Variants in SEMA5A observed in about 807,000 individuals in gnomAD.
SEMA5A encodes the protein semaphorin 5A, also known as semaphorin-5A.
In SEMA5A, 55 loss-of-function variants were observed where a neutral mutation model predicts 135.5. The ratio of observed to expected loss-of-function variants is 0.41; its 90% confidence interval spans 0.33 to 0.51. The LOEUF is 0.51. Among genes scored for constraint, SEMA5A ranks in the 20% least tolerant of loss-of-function variants. The pLI is 0.37. For missense variants in SEMA5A, 1,290 were observed against 1,419.9 expected (o/e 0.91, Z 1.47); for synonymous variants, 580 against 546.5 (o/e 1.06, Z -0.85).
At chr5:9,390,657 T>C (rs1333268928) in intron 2 of SEMA5A, among the ~76,000 whole-genome samples, 3 of 152,032 alleles carry the variant, frequency 2.0e-5, no homozygotes, top group East Asian at 1.9e-4. Context: ...TTGAGTTAAT[T>C]AGAGTTTGTC....
intron 13 of SEMA5A, among the ~76,000 whole-genome samples, chr5:9,129,006 C>T (rs1741262475): frequency 6.6e-6 from 1 of 152,204 alleles, no homozygotes; most frequent in Admixed American, 6.5e-5. Flanking sequence ...GATTGAGAAC[C>T]ACTGCACCAG....
chr5:9,443,545 G>A (rs1758317774), intron 1 of SEMA5A, among the ~76,000 whole-genome samples: 1 of 152,214 alleles, frequency 6.6e-6, no homozygotes, highest in Admixed American at 6.5e-5. Context: ...TTTACAACAT[G>A]ATGTAATGGG....
At chr5:9,169,475 G>T (rs937187304) in intron 11 of SEMA5A, among the ~76,000 whole-genome samples, 2 of 152,140 alleles carry the variant, frequency 1.3e-5, no homozygotes, top group East Asian at 1.9e-4. Flanking sequence ...GCATGTAAAC[G>T]TGTCACACCC....
intron 4 of SEMA5A, among the ~76,000 whole-genome samples, chr5:9,322,512 C>A (rs1004457834): frequency 2.6e-5 from 4 of 152,178 alleles, no homozygotes; most frequent in African/African-American, 9.6e-5. Flanking sequence ...TTGAACTTTT[C>A]TTTTTGTAGT....
rs775484979 is a variant in SEMA5A, at chr5:9,318,396, C to A, written c.246G>T (p.Gln82His). 2 of 1,612,418 alleles carry A rather than the reference C, an allele frequency of 1.2e-6. No homozygotes were observed. The highest frequency in any genetic ancestry group is 4.5e-5 in the East Asian group (2 of 44,852). The change falls in exon 5 of 23, where the codon CAG becomes CAT. Residue 82 changes from glutamine to histidine, a missense_variant. Physicochemically the swap from Gln to His is conservative, Grantham distance 24 (BLOSUM62 0). This residue lies in a region of SEMA5A where 116 missense variants were observed against 121.3 expected (regional missense o/e 0.96). Coordinates refer to ENST00000382496, the MANE Select transcript of SEMA5A (RefSeq NM_003966.3). The stretch of plus-strand genomic sequence containing the variant: ...CCTGGATAAGAGACAGATCCTCAAG[C>A]TGTAACCTGAAGAGGTAGTTTCTGC... ...VGARNYLFRL[Q>H]LEDLSLIQAV... is the part of the protein sequence containing the mutation.
intron 5 of SEMA5A, among the ~76,000 whole-genome samples, chr5:9,271,038 A>G (rs7715373): frequency 1 from 152,048 of 152,246 alleles, 75,925 homozygotes; most frequent in Non-Finnish European, 1. Context: ...ATCTCACGTT[A>G]AATTGTAACC....
chr5:9,539,601 T>A (rs1175269135), intron 1 of SEMA5A, among the ~76,000 whole-genome samples: 1 of 152,212 alleles, frequency 6.6e-6, no homozygotes, highest in Non-Finnish European at 1.5e-5. Context: ...TTAATACAGA[T>A]TAAGTATCCC....
chr5:9,206,532 T>C (rs899481703), intron 8 of SEMA5A, among the ~76,000 whole-genome samples: 4 of 152,056 alleles, frequency 2.6e-5, no homozygotes, highest in Non-Finnish European at 5.9e-5. Context: ...AAGCCTCCCA[T>C]TCTATATTCT....
intron 2 of SEMA5A, among the ~76,000 whole-genome samples, chr5:9,436,249 C>T (rs1383581292): frequency 2.6e-5 from 4 of 152,172 alleles, no homozygotes; most frequent in African/African-American, 7.2e-5. Flanking sequence ...TCATGATAAC[C>T]GCTGACCATC....
chr5:9,320,077 T>C (rs761862371), intron 4 of SEMA5A, among the ~76,000 whole-genome samples: 23 of 152,182 alleles, frequency 1.5e-4, no homozygotes, highest in Non-Finnish European at 2.9e-4. Context: ...CATTGCCTCC[T>C]GGGCATTCAG....
At chr5:9,184,259 T>A (rs1744686623) in intron 11 of SEMA5A, among the ~76,000 whole-genome samples, 1 of 151,954 alleles carries the variant, frequency 6.6e-6, no homozygotes, top group Admixed American at 6.6e-5. Flanking sequence ...ATTTTTAGTT[T>A]TTTTTTTCCT....
intron 1 of SEMA5A, among the ~76,000 whole-genome samples, chr5:9,536,064 T>C (rs1561331143): frequency 6.6e-6 from 1 of 152,074 alleles, no homozygotes; most frequent in Non-Finnish European, 1.5e-5. Flanking sequence ...CACAGCAAAG[T>C]GGCCAGATGC....
rs1185236354 is a variant in SEMA5A at position 9,039,744 on chromosome 5, T to G, written c.*3153A>C. The G allele has an allele frequency of 6.6e-6, 1 of 152,250 alleles. No homozygotes were observed. The highest frequency in any genetic ancestry group is 2.4e-5 in the African/African-American group (1 of 41,450). The allele number at this position is 152,250 out of a possible 1,614,324, so 9.4% of individuals were successfully genotyped here. A position where few individuals can be genotyped will look rare whatever the true frequency, so the allele number is the denominator to read the frequency against. On this transcript the variant is annotated 3_prime_UTR_variant, in exon 23 of 23. Coordinates refer to ENST00000382496, the MANE Select transcript of SEMA5A (RefSeq NM_003966.3). ...CGGTGGAGCCTGACCACGTGCCCCC[T>G]GAGTTCCTTAGAATTCACTAAGTCC... is the stretch of plus-strand genomic sequence containing the variant.
In SEMA5A at chr5:9,035,604, A is replaced by G. The variant is rs1735604346; in HGVS notation, c.*7293T>C. On this transcript the variant is annotated 3_prime_UTR_variant, in exon 23 of 23. Coordinates refer to ENST00000382496, the MANE Select transcript of SEMA5A (RefSeq NM_003966.3). ...CAGACCTAGACAGCTCTCAGGAAGC[A>G]TTTACAACCAGTGAATTGATGGACA... 6.6e-6 allele frequency: 1 copy of G among 152,200 alleles called. No individual in the cohort carries two copies. Among genetic ancestry groups the G allele is most frequent in the Non-Finnish European group, 1.5e-5 (1 of 68,032 alleles). 9.4% of individuals were successfully genotyped at this position (152,200 alleles called of 1,614,324 possible). A position where few individuals can be genotyped will look rare whatever the true frequency, so the allele number is the denominator to read the frequency against.
chr5:9,155,558 C>T (rs916132881), intron 11 of SEMA5A, among the ~76,000 whole-genome samples: 3 of 152,040 alleles, frequency 2.0e-5, no homozygotes, highest in South Asian at 2.1e-4. Flanking sequence ...TTCTGGAAGC[C>T]GCTTAGAGAT....
At chr5:9,190,826 T>C (rs1745069772) in intron 10 of SEMA5A, among the ~76,000 whole-genome samples, 1 of 152,242 alleles carries the variant, frequency 6.6e-6, no homozygotes. Context: ...CATACTATTA[T>C]ATCTGCCTGA....
chr5:9,536,415 C>G (rs1433390371), intron 1 of SEMA5A, among the ~76,000 whole-genome samples: 2 of 152,132 alleles, frequency 1.3e-5, no homozygotes, highest in Middle Eastern at 6.8e-3. Context: ...GAGTTCGAGA[C>G]CAGCCTGACC....
intron 5 of SEMA5A, among the ~76,000 whole-genome samples, chr5:9,273,911 C>T (rs1156707595): frequency 6.6e-6 from 1 of 152,104 alleles, no homozygotes; most frequent in African/African-American, 2.4e-5. Context: ...ACCATTGATG[C>T]TATGAAGAAA....
At chr5:9,359,162 T>A (rs1007018322) in intron 3 of SEMA5A, among the ~76,000 whole-genome samples, 1 of 152,120 alleles carries the variant, frequency 6.6e-6, no homozygotes, top group Non-Finnish European at 1.5e-5. Context: ...CCCCACCAGC[T>A]AGAGGCTGCA....
Sources: allele counts gnomAD v4.1 joint callset (sites outside exome capture counted in the v4.1 genomes callset), GRCh38; gene constraint gnomAD v4.1.1; regional missense constraint gnomAD v4.1.1; transcripts MANE v1.5; gene names NCBI Gene and HGNC (gene_info 2026-07-23, HGNC 2026-07-21).